Variants in TAF1A observed in about 807,000 individuals in gnomAD.
TAF1A encodes the protein TATA box-binding protein-associated factor RNA polymerase I subunit A.
Under a neutral mutation model 61.6 loss-of-function variants are expected in TAF1A, and 42 were observed. The ratio of observed to expected loss-of-function variants is 0.68; its 90% CI spans 0.53 to 0.88. The LOEUF is 0.88. Among genes scored for constraint, TAF1A ranks in the 40% least tolerant of loss-of-function variants. The pLI is 0.00. For synonymous variants in TAF1A, 179 were observed against 177.7 expected (o/e 1.01, Z -0.06); for missense variants, 424 against 518.7 (o/e 0.82, Z 1.77).
chr1:222,581,669 A>G (rs1196391459), intron 3 of TAF1A, among the ~76,000 whole-genome samples: 2 of 152,216 alleles, frequency 1.3e-5, no homozygotes, highest in African/African-American at 4.8e-5. Context: ...AGGCAATTGC[A>G]ATTTTAAATA....
intron 3 of TAF1A, among the ~76,000 whole-genome samples, chr1:222,582,600 C>G (rs2102676572): frequency 6.6e-6 from 1 of 152,130 alleles, no homozygotes; most frequent in East Asian, 1.9e-4. Flanking sequence ...CAGGTGTAGA[C>G]CCAGGAGAAA....
chr1:222,568,647 T>C (rs966461153), intron 7 of TAF1A, among the ~76,000 whole-genome samples: 5 of 152,206 alleles, frequency 3.3e-5, no homozygotes, highest in African/African-American at 1.2e-4. Flanking sequence ...CATATTGCTG[T>C]GTGAATGTCG....
intron 7 of TAF1A, chr1:222,569,131 G>C (rs1395280928): frequency 5.2e-6 from 3 of 573,624 alleles, no homozygotes; most frequent in Admixed American, 1.0e-4. Flanking sequence ...GGGGGCGACA[G>C]AAATGTTCTA....
chr1:222,569,380 T>C (rs755963101), intron 7 of TAF1A, 130 bp downstream of exon 7: 1 of 1,574,370 alleles, frequency 6.4e-7, no homozygotes, highest in Non-Finnish European at 8.6e-7. Flanking sequence ...CAACTTTCTC[T>C]GTTTATCTCA....
At chr1:222,574,446 T>C (rs886429995) in intron 5 of TAF1A, among the ~76,000 whole-genome samples, 4 of 152,192 alleles carry the variant, frequency 2.6e-5, no homozygotes, top group Admixed American at 2.6e-4. Flanking sequence ...TAGTATATTA[T>C]GTACCAAAGT....
chr1:222,583,390 G>C, intron 3 of TAF1A, among the ~76,000 whole-genome samples: 1 of 149,312 alleles, frequency 6.7e-6, no homozygotes, highest in Non-Finnish European at 1.5e-5. Context: ...TACAATTTAA[G>C]TGGGTGATGG....
chr1:222,572,001 G>A (rs1228246947), intron 5 of TAF1A, among the ~76,000 whole-genome samples: 1 of 152,138 alleles, frequency 6.6e-6, no homozygotes, highest in African/African-American at 2.4e-5. Flanking sequence ...TGGATCACCT[G>A]AGGTCAGGAG....
intron 4 of TAF1A, among the ~76,000 whole-genome samples, chr1:222,578,492 A>G (rs1660658475): frequency 6.6e-6 from 1 of 152,184 alleles, no homozygotes; most frequent in Admixed American, 6.5e-5. Context: ...CCCAACTTCT[A>G]CCCAAGTGAT....
intron 10 of TAF1A, among the ~76,000 whole-genome samples, chr1:222,560,084 G>A (rs1313001693): frequency 6.6e-6 from 1 of 152,116 alleles, no homozygotes; most frequent in Non-Finnish European, 1.5e-5. Context: ...CCTCCAAGGA[G>A]AAATGGGCCT....
intron 8 of TAF1A, 31 bp from the exon 9 acceptor site, chr1:222,563,327 T>C (rs1165908572): frequency 2.5e-6 from 4 of 1,607,622 alleles, no homozygotes; most frequent in African/African-American, 1.3e-5. Context: ...CAAGTTTACA[T>C]AAGGTATTAA....
chr1:222,588,399 A>G, intron 2 of TAF1A, 44 bp downstream of exon 2: 1 of 1,596,012 alleles, frequency 6.3e-7, no homozygotes, highest in Admixed American at 1.7e-5. Context: ...GAATCTTACC[A>G]CCTCCTTAAA....
intron 5 of TAF1A, among the ~76,000 whole-genome samples, chr1:222,574,361 G>A (rs559329022): frequency 1.6e-4 from 24 of 152,254 alleles, no homozygotes; most frequent in African/African-American, 5.5e-4. Flanking sequence ...CAAATGTTGA[G>A]GAGAATACAA....
chr1:222,574,185 T>A (rs1336025178), intron 5 of TAF1A, among the ~76,000 whole-genome samples: 1 of 152,166 alleles, frequency 6.6e-6, no homozygotes, highest in Non-Finnish European at 1.5e-5. Flanking sequence ...TACTGATGGT[T>A]ACAACTCTAT....
intron 3 of TAF1A, among the ~76,000 whole-genome samples, chr1:222,582,950 G>T (rs755057496): frequency 6.6e-6 from 1 of 152,160 alleles, no homozygotes; most frequent in Admixed American, 6.5e-5. Flanking sequence ...TGGGGAGGCC[G>T]AGGTGGACAG....
intron 2 of TAF1A, 98 bp from the exon 3 acceptor site, chr1:222,584,395 T>C (rs1660928957): frequency 8.6e-7 from 1 of 1,160,478 alleles, no homozygotes; most frequent in East Asian, 2.5e-5. Context: ...AAGTAAACAG[T>C]AGGCATTACT....
At chr1:222,569,738 A>T in intron 6 of TAF1A, 70 bp from the exon 7 acceptor site, 2 of 1,386,502 alleles carry the variant, frequency 1.4e-6, no homozygotes, top group Middle Eastern at 4.1e-4. Context: ...AATACACAGC[A>T]TAAGTTTACT....
At chr1:222,569,340 T>C in intron 7 of TAF1A, 170 bp downstream of exon 7, 1 of 1,532,944 alleles carries the variant, frequency 6.5e-7, no homozygotes, top group Non-Finnish European at 8.7e-7. Context: ...ATAGTGTGGA[T>C]GATACATACA....
intron 3 of TAF1A, among the ~76,000 whole-genome samples, chr1:222,581,945 AC>A (rs1660804962): frequency 6.6e-6 from 1 of 152,248 alleles, no homozygotes. Flanking sequence ...ATTTGTATAT[AC>A]ATAATGAGAC....
At chr1:222,569,440 A>T (rs1428659247) in intron 7 of TAF1A, 70 bp downstream of exon 7, 1 of 1,612,434 alleles carries the variant, frequency 6.2e-7, no homozygotes, top group South Asian at 1.1e-5. Flanking sequence ...AAAGTTAGAA[A>T]GCAATGGCCT....
Sources: allele counts gnomAD v4.1 joint callset (sites outside exome capture counted in the v4.1 genomes callset), GRCh38; gene constraint gnomAD v4.1.1; transcripts MANE v1.5; gene names NCBI Gene and HGNC (gene_info 2026-07-23, HGNC 2026-07-21).